The following CDH18 variants were observed in gnomAD, a reference collection of about 807,000 sequenced individuals.
CDH18 encodes the protein cadherin-18.
Under a neutral mutation model 67.9 loss-of-function variants are expected in CDH18, and 31 were observed. That is an observed-to-expected ratio of 0.46 (90% CI 0.34 to 0.62). The LOEUF (loss-of-function observed/expected upper bound fraction) is 0.62, where lower values mean the gene tolerates loss of function less well. Ranked by LOEUF, CDH18 falls within the 20% of genes least tolerant of loss-of-function variation. CDH18 has a pLI of 0.01. For synonymous variants in CDH18, 362 were observed against 347.2 expected (o/e 1.04, Z -0.48); for missense variants, 890 against 975.5 (o/e 0.91, Z 1.17).
At chr5:19,580,804 T>G (rs1743122888) in intron 7 of CDH18, among the ~76,000 whole-genome samples, 1 of 152,066 alleles carries the variant, frequency 6.6e-6, no homozygotes, top group South Asian at 2.1e-4. Context: ...AGCTGTGTCC[T>G]TAAGCACTAT....
chr5:19,705,396 G>A (rs908055312), intron 5 of CDH18, among the ~76,000 whole-genome samples: 6 of 152,076 alleles, frequency 3.9e-5, no homozygotes. Flanking sequence ...GATATTAATT[G>A]GATACGACCT....
In CDH18 at chr5:19,855,809, A is replaced by G. The variant is rs138915795; in HGVS notation, c.-256-16567T>C. Among the ~76,000 whole-genome samples the G allele has an allele frequency of 3.9e-4, 60 of 152,320 alleles. No homozygotes were observed. In the East Asian group the frequency reaches 5.4e-3, roughly 14 times the overall value. ...TAAGAGCTTATCAACTATTATGTAG[A>G]TTAAGAAGTTACTATATTTGGAAAG... On this transcript the variant is annotated intron_variant, in intron 2 of 12. Transcript: ENST00000382275.
At chr5:19,679,183 CAG>C (rs1398264628) in intron 5 of CDH18, among the ~76,000 whole-genome samples, 1 of 151,916 alleles carries the variant, frequency 6.6e-6, no homozygotes, top group African/African-American at 2.4e-5. Context: ...ATCACATAAA[CAG>C]AACTAAAAGC....
chr5:20,422,367 C>T (rs896153513), intron 1 of CDH18, among the ~76,000 whole-genome samples: 4 of 150,866 alleles, frequency 2.7e-5, no homozygotes, highest in African/African-American at 7.4e-5. Context: ...ATAAAGTACA[C>T]TTTCAAAATG....
chr5:20,388,154 C>T (rs1005065408), intron 1 of CDH18, among the ~76,000 whole-genome samples: 56 of 152,168 alleles, frequency 3.7e-4, no homozygotes, highest in Non-Finnish European at 6.9e-4. Flanking sequence ...ACCAGTTCCT[C>T]CTTGTACCTC....
At chr5:19,632,986 A>G (rs1752626627) in intron 5 of CDH18, among the ~76,000 whole-genome samples, 1 of 152,212 alleles carries the variant, frequency 6.6e-6, no homozygotes, top group Admixed American at 6.5e-5. Flanking sequence ...ATTAGAAAAT[A>G]CAGTGTGGTG....
intron 1 of CDH18, among the ~76,000 whole-genome samples, chr5:20,401,314 C>T (rs1026301329): frequency 5.9e-5 from 9 of 152,234 alleles, no homozygotes; most frequent in East Asian, 1.9e-4. Flanking sequence ...ATGCATTTCT[C>T]ATGTAACTCT....
In CDH18 at chr5:19,532,320, T is replaced by C. The variant is rs188895682; in HGVS notation, c.1391-11542A>G. ...AATTATTGAAAATATTCCGCATTTA[T>C]GCTTGTCACTGGGTTGTTGACACCA... On this transcript the variant is annotated intron_variant, in intron 9 of 12. Coordinates refer to ENST00000382275, the MANE Select transcript of CDH18 (RefSeq NM_004934.5). Among the ~76,000 whole-genome samples the C allele has an allele frequency of 1.2e-4, 18 of 152,356 alleles. No individual in the cohort carries two copies. The East Asian group carries it at 3.5e-3, about 29-fold the overall frequency.
At chr5:20,362,716 G>C (rs1158510755) in intron 1 of CDH18, among the ~76,000 whole-genome samples, 2 of 152,122 alleles carry the variant, frequency 1.3e-5, no homozygotes, top group African/African-American at 4.8e-5. Flanking sequence ...CAGATCTAAA[G>C]AATGTTTCTC....
chr5:19,924,838 T>C (rs538069675), intron 2 of CDH18, among the ~76,000 whole-genome samples: 16 of 152,106 alleles, frequency 1.1e-4, no homozygotes, highest in South Asian at 2.1e-4. Context: ...AGCGTGCAAA[T>C]AGATCAACTC....
intron 1 of CDH18, among the ~76,000 whole-genome samples, chr5:20,530,328 A>G (rs919546961): frequency 9.9e-5 from 15 of 152,170 alleles, no homozygotes; most frequent in African/African-American, 3.4e-4. Flanking sequence ...TATAGATTCA[A>G]TGCTATTCCC....
chr5:19,926,833 C>G (rs761101681), intron 2 of CDH18, among the ~76,000 whole-genome samples: 10 of 151,950 alleles, frequency 6.6e-5, no homozygotes, highest in Non-Finnish European at 1.2e-4. Context: ...TAAAACGTAT[C>G]TATATATAGA....
chr5:19,862,468 G>A (rs1785010926), intron 2 of CDH18, among the ~76,000 whole-genome samples: 1 of 152,100 alleles, frequency 6.6e-6, no homozygotes, highest in Admixed American at 6.6e-5. Context: ...ACGATTCAAA[G>A]CCACCAGAAC....
intron 2 of CDH18, among the ~76,000 whole-genome samples, chr5:19,856,691 T>G (rs1207974397): frequency 7.1e-6 from 1 of 140,396 alleles, no homozygotes; most frequent in Non-Finnish European, 1.6e-5. Flanking sequence ...TGTTTTTCTA[T>G]GTAAAGAGGC....
intron 1 of CDH18, among the ~76,000 whole-genome samples, chr5:20,351,846 G>A (rs1170912995): frequency 6.6e-6 from 1 of 152,088 alleles, no homozygotes; most frequent in Non-Finnish European, 1.5e-5. Context: ...TTTTGCTACG[G>A]TATTTCAAAT....
intron 10 of CDH18, among the ~76,000 whole-genome samples, chr5:19,519,020 C>A (rs904827455): frequency 6.6e-6 from 1 of 152,132 alleles, no homozygotes; most frequent in African/African-American, 2.4e-5. Flanking sequence ...ATAAAGCAAA[C>A]GCCTAGCTGT....
At chr5:20,463,173 A>G (rs1751390709) in intron 1 of CDH18, among the ~76,000 whole-genome samples, 1 of 148,742 alleles carries the variant, frequency 6.7e-6, no homozygotes, top group African/African-American at 2.4e-5. Flanking sequence ...CAGAATTGGG[A>G]TGTATTTTTC....
At chr5:19,998,609 C>T (rs1736199224) in intron 2 of CDH18, among the ~76,000 whole-genome samples, 1 of 151,972 alleles carries the variant, frequency 6.6e-6, no homozygotes, top group Admixed American at 6.6e-5. Flanking sequence ...TGTTCAATAT[C>T]TGTTTTTCAT....
intron 2 of CDH18, among the ~76,000 whole-genome samples, chr5:20,011,952 T>C (rs1737477860): frequency 6.6e-6 from 1 of 152,150 alleles, no homozygotes; most frequent in African/African-American, 2.4e-5. Flanking sequence ...ACTGGGCTCA[T>C]AGAATGAGTT....
Sources: gnomAD v4.1 joint callset for allele counts (sites outside exome capture counted in the v4.1 genomes callset) on GRCh38, gnomAD v4.1.1 for gene constraint, MANE v1.5 for transcripts, NCBI Gene and HGNC (gene_info 2026-07-23, HGNC 2026-07-21) for gene names.